The following RNF180 variants were observed in gnomAD, a reference collection of about 807,000 sequenced individuals.
RNF180 encodes the protein E3 ubiquitin-protein ligase RNF180.
RNF180 carries 38 observed loss-of-function variants against 59.2 expected under a neutral mutation model. That is an observed-to-expected ratio of 0.64 (90% confidence interval 0.50 to 0.84). The LOEUF is 0.84. Ranked by LOEUF, RNF180 falls within the 40% of genes least tolerant of loss-of-function variation. The probability of loss-of-function intolerance (pLI) is 0.00; values close to 1 mark genes in which losing one functional copy is unlikely to be tolerated. For missense variants in RNF180, 705 were observed against 700.9 expected (o/e 1.01, Z -0.07); for synonymous variants, 262 against 240.3 (o/e 1.09, Z -0.84).
chr5:64,220,319 G>A (rs1752843484), intron 5 of RNF180, among the ~76,000 whole-genome samples: 2 of 151,526 alleles, frequency 1.3e-5, no homozygotes, highest in Admixed American at 1.3e-4. Context: ...ATATTTTTAT[G>A]ATAGAAACTT....
At chr5:64,194,788 C>T (rs1751372981) in intron 1 of RNF180, among the ~76,000 whole-genome samples, 1 of 152,178 alleles carries the variant, frequency 6.6e-6, no homozygotes, top group Non-Finnish European at 1.5e-5. Flanking sequence ...CTTTTGGCTG[C>T]ATAAATGTCT....
intron 5 of RNF180, among the ~76,000 whole-genome samples, chr5:64,264,057 T>G (rs1259202901): frequency 2.0e-5 from 3 of 152,182 alleles, no homozygotes; most frequent in African/African-American, 7.2e-5. Flanking sequence ...GTAGTCTAAC[T>G]TTCCTCAAAA....
At chr5:64,209,055 A>G (rs1366286358) in intron 2 of RNF180, among the ~76,000 whole-genome samples, 2 of 152,016 alleles carry the variant, frequency 1.3e-5, no homozygotes, top group Non-Finnish European at 2.9e-5. Context: ...GAGATATAAG[A>G]AAGTTTATTG....
At position 64,254,926 on chromosome 5, in the gene RNF180, G is replaced by C. The variant is rs777186250; in HGVS notation, c.1227+37530G>C. Among the ~76,000 whole-genome samples the C allele has an allele frequency of 7.2e-5, 11 of 152,142 alleles. 1 individual carries two copies. The highest frequency in any genetic ancestry group is 2.2e-4 in the African/African-American group (9 of 41,528). ...GTGATATCTGATATCTTTCTCTTTG[G>C]GGGAGGAGAGCCCCATTTTCTTAGA... is the stretch of plus-strand genomic sequence containing the variant. On this transcript the variant is annotated intron_variant, in intron 5 of 7. Transcript: ENST00000389100.
At chr5:64,201,697 T>C (rs1030172313) in intron 2 of RNF180, among the ~76,000 whole-genome samples, 3 of 152,216 alleles carry the variant, frequency 2.0e-5, no homozygotes, top group Non-Finnish European at 2.9e-5. Context: ...TTAGCTAGTC[T>C]AAACTGATAA....
intron 5 of RNF180, among the ~76,000 whole-genome samples, chr5:64,249,677 CT>C (rs1743436445): frequency 6.6e-6 from 1 of 152,064 alleles, no homozygotes; most frequent in African/African-American, 2.4e-5. Flanking sequence ...AGTAGCTATA[CT>C]TATATCAGAT....
chr5:64,314,800 C>G (rs2112490595), intron 5 of RNF180, among the ~76,000 whole-genome samples: 1 of 152,230 alleles, frequency 6.6e-6, no homozygotes, highest in Admixed American at 6.5e-5. Flanking sequence ...TCTATTGCCA[C>G]TTGTTTTAGT....
intron 5 of RNF180, among the ~76,000 whole-genome samples, chr5:64,219,368 A>AT (rs34307284): frequency 0.29 from 43,324 of 151,690 alleles, 6,413 homozygotes; most frequent in African/African-American, 0.35. Context: ...ATTTTTGAGG[A>AT]TTTTTTATGC....
intron 7 of RNF180, among the ~76,000 whole-genome samples, chr5:64,332,627 G>A (rs990425528): frequency 2.6e-5 from 4 of 152,160 alleles, no homozygotes; most frequent in African/African-American, 9.7e-5. Flanking sequence ...AAGGAATGAA[G>A]GTAATGCAAT....
intron 7 of RNF180, among the ~76,000 whole-genome samples, chr5:64,341,197 GAA>G (rs1745341643): frequency 6.6e-6 from 1 of 152,124 alleles, no homozygotes; most frequent in African/African-American, 2.4e-5. Flanking sequence ...CTCCTGGTGT[GAA>G]AGCGTGGTGG....
rs1746610350 is a variant in RNF180, at chr5:64,370,111, T to C, written c.*297T>C. 5.5e-6 allele frequency: 1 copy of C among 180,730 alleles called. No individual in the cohort carries two copies. Among genetic ancestry groups the C allele is most frequent in the Admixed American group, 6.2e-5 (1 of 16,174 alleles). The allele number at this position is 180,730 out of a possible 1,614,324, so 11.2% of individuals were successfully genotyped here. Reference sequence around the variant, plus strand: ...AATATCACTTTAATACTTATTTTGATTGTAAAAAACTGAAGTTTTCTCTCC... The same window carrying C: ...AATATCACTTTAATACTTATTTTGACTGTAAAAAACTGAAGTTTTCTCTCC... On this transcript the variant is annotated 3_prime_UTR_variant, in exon 8 of 8. Coordinates refer to ENST00000389100, the MANE Select transcript of RNF180 (RefSeq NM_001113561.2).
At chr5:64,260,010 A>G (rs976509983) in intron 5 of RNF180, among the ~76,000 whole-genome samples, 1 of 152,196 alleles carries the variant, frequency 6.6e-6, no homozygotes, top group Non-Finnish European at 1.5e-5. Context: ...GCACCAAAAA[A>G]GCAATTATTA....
chr5:64,203,506 T>G (rs2112070030), intron 2 of RNF180, among the ~76,000 whole-genome samples: 1 of 152,242 alleles, frequency 6.6e-6, no homozygotes, highest in South Asian at 2.1e-4. Context: ...CATACCAATC[T>G]TATTTCTGTC....
intron 6 of RNF180, among the ~76,000 whole-genome samples, chr5:64,329,673 G>T (rs960724281): frequency 2.6e-5 from 4 of 152,052 alleles, no homozygotes; most frequent in African/African-American, 9.7e-5. Flanking sequence ...GGCCAGGCTG[G>T]TCTTGAACTC....
chr5:64,358,928 T>C (rs1746133885), intron 7 of RNF180, among the ~76,000 whole-genome samples: 1 of 151,502 alleles, frequency 6.6e-6, no homozygotes, highest in African/African-American at 2.4e-5. Context: ...AATGATGATT[T>C]CCAATTTCAC....
At chr5:64,254,267 T>C (rs950800984) in intron 5 of RNF180, among the ~76,000 whole-genome samples, 1 of 152,176 alleles carries the variant, frequency 6.6e-6, no homozygotes, top group African/African-American at 2.4e-5. Flanking sequence ...GTTGGAATGC[T>C]GACAAATGGA....
Position 64,312,605 on chromosome 5 carries a change from A to C in RNF180, c.1228-12581A>C, listed in dbSNP as rs545993512. 5.3e-5 allele frequency among the ~76,000 whole-genome samples: 8 copies of C among 152,208 alleles called. No homozygotes were observed. The East Asian group carries it at 1.5e-3, about 29-fold the overall frequency. ...TAACTTGTTACTTTGCAGTGTTGTT[A>C]ATCGTTCAGCATCAGTAAGGCAACA... On this transcript the variant is annotated intron_variant, in intron 5 of 7. Transcript: ENST00000389100.
intron 2 of RNF180, among the ~76,000 whole-genome samples, chr5:64,207,169 A>C (rs1459295869): frequency 6.6e-6 from 1 of 152,016 alleles, no homozygotes; most frequent in East Asian, 1.9e-4. Context: ...TTTAATATTT[A>C]TAATATTGAC....
Position 64,213,490 on chromosome 5 carries a change from A to C in RNF180, c.232-68A>C. The C allele has an allele frequency of 1.5e-5, 21 of 1,435,944 alleles. No individual in the cohort carries two copies. In the Middle Eastern group the frequency reaches 7.7e-4, roughly 53 times the overall value. 89.0% of individuals were successfully genotyped at this position (1,435,944 alleles called of 1,614,324 possible). A position where few individuals can be genotyped will look rare whatever the true frequency, so the allele number is the denominator to read the frequency against. On this transcript the variant is annotated intron_variant, in intron 3 of 7. Coordinates refer to ENST00000389100, the MANE Select transcript of RNF180 (RefSeq NM_001113561.2). ...AACTTTCATGTGGCTGGCTTTAAAG[A>C]AAAAAAAATTTCTCTTCAGTTACTT... is the stretch of plus-strand genomic sequence containing the variant.
Sources: allele counts gnomAD v4.1 joint callset (sites outside exome capture counted in the v4.1 genomes callset), GRCh38; gene constraint gnomAD v4.1.1; transcripts MANE v1.5; gene names NCBI Gene and HGNC (gene_info 2026-07-23, HGNC 2026-07-21).